The following MAPK10 variants were observed in gnomAD, a reference collection of about 807,000 sequenced individuals.
MAPK10 encodes JNK3 alpha protein kinase.
A neutral mutation model predicts 59.3 loss-of-function variants in MAPK10; 25 were observed. The observed-to-expected ratio is 0.42, with a 90% CI of 0.31 to 0.59. The LOEUF is 0.59. Ranked by LOEUF, MAPK10 falls within the 20% of genes least tolerant of loss-of-function variation. The pLI is 0.15. For missense variants in MAPK10, 351 were observed against 568.9 expected (o/e 0.62, Z 3.90); for synonymous variants, 190 against 200.5 (o/e 0.95, Z 0.44).
intron 1 of MAPK10, among the ~76,000 whole-genome samples, chr4:86,438,037 G>A (rs1301092247): frequency 2.0e-5 from 3 of 152,170 alleles, no homozygotes; most frequent in African/African-American, 7.2e-5. Context: ...TCAGAAGTAA[G>A]CAAAACAGAT....
intron 11 of MAPK10, among the ~76,000 whole-genome samples, chr4:86,034,599 C>T (rs2039795933): frequency 1.3e-5 from 2 of 152,096 alleles, no homozygotes; most frequent in African/African-American, 4.8e-5. Flanking sequence ...ACTGAGATTT[C>T]AAAATTGAAT....
intron 3 of MAPK10, among the ~76,000 whole-genome samples, chr4:86,191,296 T>C (rs1388031396): frequency 6.6e-6 from 1 of 152,154 alleles, no homozygotes; most frequent in Non-Finnish European, 1.5e-5. Flanking sequence ...GTCCTGAATA[T>C]CCTTGTTAAT....
chr4:86,318,192 T>C (rs2095826280), intron 2 of MAPK10, among the ~76,000 whole-genome samples: 1 of 152,132 alleles, frequency 6.6e-6, no homozygotes, highest in African/African-American at 2.4e-5. Context: ...CTGGTGGACA[T>C]AAATTTTGAG....
intron 1 of MAPK10, among the ~76,000 whole-genome samples, chr4:86,382,061 A>T (rs1740800048): frequency 6.6e-6 from 1 of 152,110 alleles, no homozygotes; most frequent in Non-Finnish European, 1.5e-5. Context: ...AGCACTGTAG[A>T]ATGTTTAGCA....
intron 1 of MAPK10, among the ~76,000 whole-genome samples, chr4:86,491,311 G>A (rs1754437392): frequency 6.6e-6 from 1 of 152,202 alleles, no homozygotes; most frequent in African/African-American, 2.4e-5. Context: ...AAGCACACCT[G>A]TCCAACAAGT....
chr4:86,295,248 G>T (rs1037325649), intron 2 of MAPK10, among the ~76,000 whole-genome samples: 15 of 152,114 alleles, frequency 9.9e-5, no homozygotes, highest in African/African-American at 3.4e-4. Context: ...CCTCTGCCTG[G>T]AGGATGCTCT....
chr4:86,550,574 C>A (rs1397401388), intron 1 of MAPK10, among the ~76,000 whole-genome samples: 1 of 151,860 alleles, frequency 6.6e-6, no homozygotes, highest in Non-Finnish European at 1.5e-5. Flanking sequence ...TGGTGCATAC[C>A]TGAAATCCCA....
At chr4:86,212,479 C>A (rs998644192) in intron 2 of MAPK10, among the ~76,000 whole-genome samples, 1 of 152,018 alleles carries the variant, frequency 6.6e-6, no homozygotes, top group Non-Finnish European at 1.5e-5. Context: ...CATTATTACA[C>A]CACTGCACTC....
intron 3 of MAPK10, among the ~76,000 whole-genome samples, chr4:86,179,474 C>T (rs188800821): frequency 1.1e-4 from 16 of 152,040 alleles, no homozygotes; most frequent in Admixed American, 8.5e-4. Flanking sequence ...AAAATACCAA[C>T]GACATTCTTC....
intron 1 of MAPK10, among the ~76,000 whole-genome samples, chr4:86,514,457 A>G (rs1756508478): frequency 6.6e-6 from 1 of 152,162 alleles, no homozygotes. Flanking sequence ...TATGGTATGT[A>G]TATTTCCATT....
chr4:86,219,157 CA>C (rs2088757244), intron 2 of MAPK10, among the ~76,000 whole-genome samples: 1 of 150,738 alleles, frequency 6.6e-6, no homozygotes, highest in Admixed American at 6.6e-5. Context: ...TCTTTTTTCC[CA>C]AAAAGAGATT....
intron 1 of MAPK10, among the ~76,000 whole-genome samples, chr4:86,535,871 A>C (rs1265717715): frequency 1.3e-5 from 2 of 152,258 alleles, no homozygotes; most frequent in Non-Finnish European, 2.9e-5. Context: ...AGACACGTCA[A>C]AACATCTTAT....
In MAPK10 at chr4:86,547,310, A is replaced by G. The variant is rs562431402; in HGVS notation, c.-263+46600T>C. ...GAGCCGGCTCCCTCAGCTTGCCAGG[A>G]GGTGTGGAGGGAGAGGCGCTGGGGG... On this transcript the variant is annotated intron_variant, in intron 1 of 4. Transcript: ENST00000502302. Among the ~76,000 whole-genome samples the G allele has an allele frequency of 8.4e-4, 128 of 152,176 alleles. 1 individual carries two copies. The highest frequency in any genetic ancestry group is 2.9e-3 in the African/African-American group (119 of 41,530).
intron 1 of MAPK10, among the ~76,000 whole-genome samples, chr4:86,589,213 C>CCAT (rs1177707282): frequency 6.6e-6 from 1 of 151,948 alleles, no homozygotes; most frequent in African/African-American, 2.4e-5. Flanking sequence ...AAAATTATAA[C>CCAT]TGTAATGAGA....
intron 1 of MAPK10, among the ~76,000 whole-genome samples, chr4:86,384,588 A>G (rs1346327573): frequency 6.6e-6 from 1 of 152,200 alleles, no homozygotes; most frequent in African/African-American, 2.4e-5. Flanking sequence ...AGTGGAGGCA[A>G]GGACACAAAT....
chr4:86,569,956 T>C (rs1578142970), intron 1 of MAPK10, among the ~76,000 whole-genome samples: 1 of 152,054 alleles, frequency 6.6e-6, no homozygotes, highest in Non-Finnish European at 1.5e-5. Context: ...TCCAGAAAAA[T>C]AAAGTACTTA....
At chr4:86,386,794 G>A (rs1004157689) in intron 1 of MAPK10, among the ~76,000 whole-genome samples, 3 of 152,016 alleles carry the variant, frequency 2.0e-5, no homozygotes, top group Non-Finnish European at 4.4e-5. Context: ...TACTACAGGC[G>A]GAAACTTGGA....
At chr4:86,263,918 C>T (rs2094121601) in intron 2 of MAPK10, among the ~76,000 whole-genome samples, 1 of 152,154 alleles carries the variant, frequency 6.6e-6, no homozygotes, top group Non-Finnish European at 1.5e-5. Flanking sequence ...AAGGTCCATT[C>T]AGCTAAATAG....
chr4:86,257,916 C>T (rs2093820298), intron 2 of MAPK10, among the ~76,000 whole-genome samples: 1 of 152,150 alleles, frequency 6.6e-6, no homozygotes. Context: ...AACACATTCT[C>T]CTGATCGATT....
Sources: allele counts gnomAD v4.1 joint callset (sites outside exome capture counted in the v4.1 genomes callset), GRCh38; gene constraint gnomAD v4.1.1; transcripts MANE v1.5; gene names NCBI Gene and HGNC (gene_info 2026-07-23, HGNC 2026-07-21).